Variants in CEP128 observed in about 807,000 individuals in gnomAD.
The protein encoded by CEP128 is centrosomal protein 128, also known as centrosomal protein 128kDa.
CEP128 carries 132 observed loss-of-function variants against 156.7 expected under a neutral mutation model. That is an observed-to-expected ratio of 0.84 (90% CI 0.73 to 0.97). CEP128 has a LOEUF of 0.97. Among genes scored for constraint, CEP128 ranks in the 50% least tolerant of loss-of-function variants. CEP128 has a pLI of 0.00. For synonymous variants in CEP128, 469 were observed against 448.9 expected (o/e 1.04, Z -0.57); for missense variants, 1,252 against 1,281.9 (o/e 0.98, Z 0.36).
At chr14:80,639,423 G>A (rs1894320446) in intron 19 of CEP128, among the ~76,000 whole-genome samples, 1 of 152,158 alleles carries the variant, frequency 6.6e-6, no homozygotes, top group South Asian at 2.1e-4. Flanking sequence ...AATGAGGGGT[G>A]TGGAAGAAGA....
At chr14:80,701,412 G>T (rs577305396) in intron 19 of CEP128, among the ~76,000 whole-genome samples, 1 of 152,230 alleles carries the variant, frequency 6.6e-6, no homozygotes, top group East Asian at 1.9e-4. Context: ...CAAGATGAAA[G>T]GCAGCAGATG....
intron 14 of CEP128, among the ~76,000 whole-genome samples, chr14:80,792,430 C>T (rs1271118567): frequency 6.6e-6 from 1 of 152,006 alleles, no homozygotes; most frequent in Non-Finnish European, 1.5e-5. Flanking sequence ...GTGAAAATAA[C>T]AAAGATTTAG....
At chr14:80,881,969 A>G (rs568161180) in intron 8 of CEP128, among the ~76,000 whole-genome samples, 1 of 152,326 alleles carries the variant, frequency 6.6e-6, no homozygotes, top group East Asian at 1.9e-4. Context: ...AAGAATGCCC[A>G]CTTTCACCAC....
chr14:80,884,419 C>A (rs192455524), intron 8 of CEP128, among the ~76,000 whole-genome samples: 27 of 152,300 alleles, frequency 1.8e-4, no homozygotes, highest in Middle Eastern at 3.4e-3. Context: ...AAGGCCAACA[C>A]AGAAGGTGGG....
chr14:80,820,964 A>C (rs1177858677), intron 13 of CEP128, among the ~76,000 whole-genome samples: 1 of 152,214 alleles, frequency 6.6e-6, no homozygotes, highest in Non-Finnish European at 1.5e-5. Flanking sequence ...ACTAGAAATT[A>C]AACACATTTA....
At chr14:80,492,620 T>C (rs1887362530), downstream of CEP128, among the ~76,000 whole-genome samples, 1 of 152,212 alleles carries the variant, frequency 6.6e-6, no homozygotes. Flanking sequence ...TGTTTCGAAG[T>C]ACAAATTTTC....
intron 21 of CEP128, among the ~76,000 whole-genome samples, chr14:80,533,635 T>C (rs1215920694): frequency 6.6e-6 from 1 of 152,058 alleles, no homozygotes; most frequent in Non-Finnish European, 1.5e-5. Context: ...CCTTCTTTTC[T>C]CAGTGCAGTT....
At chr14:80,788,294 T>TC (rs1288322601) in intron 14 of CEP128, among the ~76,000 whole-genome samples, 1 of 147,298 alleles carries the variant, frequency 6.8e-6, no homozygotes, top group East Asian at 2.0e-4. Context: ...GGATCTTTTT[T>TC]TTTTTTTTTT....
At chr14:80,573,239 C>A (rs1891222440) in intron 20 of CEP128, among the ~76,000 whole-genome samples, 1 of 152,038 alleles carries the variant, frequency 6.6e-6, no homozygotes, top group Non-Finnish European at 1.5e-5. Flanking sequence ...TTACTACTAA[C>A]TTTTTAAATA....
intron 19 of CEP128, among the ~76,000 whole-genome samples, chr14:80,679,936 C>CT (rs1896248593): frequency 6.6e-6 from 1 of 152,106 alleles, no homozygotes; most frequent in South Asian, 2.1e-4. Flanking sequence ...CTAGCCGACA[C>CT]TTAGGGAAAA....
intron 4 of CEP128, among the ~76,000 whole-genome samples, chr14:80,910,622 G>A (rs1468088354): frequency 6.6e-6 from 1 of 152,126 alleles, no homozygotes; most frequent in Non-Finnish European, 1.5e-5. Flanking sequence ...GTGGAACGGT[G>A]AGCCAATTAA....
intron 16 of CEP128, among the ~76,000 whole-genome samples, chr14:80,777,513 A>G (rs74701350): frequency 0.038 from 5,789 of 152,304 alleles, 175 homozygotes; most frequent in Non-Finnish European, 0.062. Context: ...ACAGACTAAG[A>G]CACTAACTCA....
At position 80,549,494 on chromosome 14, in the gene CEP128, C is replaced by A. The variant is rs141422772; in HGVS notation, c.2880+9785G>T. The stretch of plus-strand genomic sequence containing the variant: ...TTCAATGAGAGGCTCATAGCCTTGG[C>A]AAAACCAAAAATGAACCTAGCTTGA... On this transcript the variant is annotated intron_variant, in intron 21 of 24. Transcript: ENST00000555265. 3.2e-4 allele frequency among the ~76,000 whole-genome samples: 48 copies of A among 152,256 alleles called. No individual in the cohort carries two copies. The East Asian group carries it at 7.7e-3, about 24-fold the overall frequency.
intron 2 of CEP128, among the ~76,000 whole-genome samples, chr14:80,932,418 A>C (rs1885519993): frequency 6.6e-6 from 1 of 152,232 alleles, no homozygotes; most frequent in African/African-American, 2.4e-5. Context: ...TGGCCTTAAA[A>C]GTATGTCTGA....
At chr14:80,597,214 G>T (rs907521164) in intron 19 of CEP128, among the ~76,000 whole-genome samples, 1 of 152,026 alleles carries the variant, frequency 6.6e-6, no homozygotes, top group Non-Finnish European at 1.5e-5. Context: ...GAACAAGGGA[G>T]GGTGAAGAGA....
At chr14:80,754,423 G>A (rs1341874262) in intron 18 of CEP128, among the ~76,000 whole-genome samples, 1 of 142,468 alleles carries the variant, frequency 7.0e-6, no homozygotes, top group Non-Finnish European at 1.5e-5. Context: ...TCTGCATATT[G>A]TCTGTCTTTC....
At position 80,526,998 on chromosome 14, in the gene CEP128, A is replaced by AG; in HGVS notation, c.2959-17dup. ...TGCAGGAATCCTGGAAAAAAAAAAA[A>AG]GCAAAGGGTCTGAACTGGTAGATGA... On this transcript the variant is annotated splice_polypyrimidine_tract_variant and intron_variant, in intron 22 of 24. Transcript: ENST00000555265. 1.5e-6 allele frequency: 2 copies of AG among 1,348,150 alleles called. No homozygotes were observed. The highest frequency in any genetic ancestry group is 2.1e-6 in the Non-Finnish European group (2 of 952,792). 83.5% of individuals were successfully genotyped at this position (1,348,150 alleles called of 1,614,324 possible).
chr14:80,944,877 C>CAA (rs57778942), upstream of CEP128, among the ~76,000 whole-genome samples: 1 of 79,402 alleles, frequency 1.3e-5, no homozygotes, highest in African/African-American at 5.0e-5. Flanking sequence ...CAGAACAAAA[C>CAA]AAAAAAAAAA....
chr14:80,742,158 C>A (rs1172858082), intron 19 of CEP128, among the ~76,000 whole-genome samples: 1 of 152,202 alleles, frequency 6.6e-6, no homozygotes, highest in African/African-American at 2.4e-5. Context: ...ATTTTTCACA[C>A]ACCAGACAAA....
Sources: allele counts gnomAD v4.1 joint callset (sites outside exome capture counted in the v4.1 genomes callset), GRCh38; gene constraint gnomAD v4.1.1; transcripts MANE v1.5; gene names NCBI Gene and HGNC (gene_info 2026-07-23, HGNC 2026-07-21).